The following AUNIP variants were observed in gnomAD, a reference collection of about 807,000 sequenced individuals.
The protein encoded by AUNIP is aurora kinase A and ninein interacting protein.
AUNIP carries 16 observed loss-of-function variants against 12.2 expected under a neutral mutation model. The observed-to-expected ratio is 1.31, with a 90% CI of 0.88 to 1.99. The LOEUF (loss-of-function observed/expected upper bound fraction) is 1.99, where lower values mean the gene tolerates loss of function less well. Among genes scored for constraint, AUNIP ranks in the 30% most tolerant of loss-of-function variants. The probability of loss-of-function intolerance (pLI) is 0.00; values close to 1 mark genes in which losing one functional copy is unlikely to be tolerated. For synonymous variants in AUNIP, 142 were observed against 154.8 expected (o/e 0.92, Z 0.61); for missense variants, 411 against 419.1 (o/e 0.98, Z 0.17).
intron 1 of AUNIP, among the ~76,000 whole-genome samples, chr1:25,856,944 CA>C (rs57083607): frequency 1.7e-3 from 229 of 135,482 alleles, no homozygotes; most frequent in East Asian, 1.7e-3. Context: ...CCCGTCTCTA[CA>C]AAAAAAAAAA....
downstream of AUNIP, chr1:25,831,963 C>T (rs1467389884): frequency 1.9e-6 from 3 of 1,614,094 alleles, no homozygotes; most frequent in African/African-American, 4.0e-5. Flanking sequence ...CTGTGCTTAT[C>T]TCTGAGGTCC....
chr1:25,834,950 C>G lies in AUNIP; in HGVS notation c.*43G>C. ...CACCCACAACTATATTTTCCTACAT[C>G]TCTATCATTTCAAGGTACTTTTAGA... On this transcript the variant is annotated 3_prime_UTR_variant, in exon 3 of 3. Transcript: ENST00000374298. 6.4e-7 allele frequency: 1 copy of G among 1,566,246 alleles called. No homozygotes were observed. The highest frequency in any genetic ancestry group is 8.6e-7 in the Non-Finnish European group (1 of 1,158,378).
In AUNIP at chr1:25,834,326, A is replaced by ATCTTTTAATCTTTTAAGC. The variant is rs2048279910; in HGVS notation, c.*666_*667insGCTTAAAAGATTAAAAGA. 1 of 984,744 alleles carries ATCTTTTAATCTTTTAAGC rather than the reference A, an allele frequency of 1.0e-6. No individual in the cohort carries two copies. The allele number at this position is 984,744 out of a possible 1,614,324, so 61.0% of individuals were successfully genotyped here. ...AAGATCAGCCAGAGATTAAAAGCTC[A>ATCTTTTAATCTTTTAAGC]CACATCTGGCTGGGCGCGGTGGCTT... On this transcript the variant is annotated 3_prime_UTR_variant, in exon 3 of 3. Coordinates refer to ENST00000374298, the MANE Select transcript of AUNIP (RefSeq NM_024037.3).
intron 1 of AUNIP, among the ~76,000 whole-genome samples, chr1:25,855,725 C>A (rs561476330): frequency 6.6e-6 from 1 of 152,266 alleles, no homozygotes; most frequent in African/African-American, 2.4e-5. Context: ...TACTGCCCAT[C>A]CATCCCTGAC....
intron 1 of AUNIP, among the ~76,000 whole-genome samples, chr1:25,853,967 T>A (rs1474711270): frequency 6.6e-6 from 1 of 152,136 alleles, no homozygotes; most frequent in East Asian, 1.9e-4. Flanking sequence ...TGTAATCCCT[T>A]TGGGAGGCCA....
intron 1 of AUNIP, among the ~76,000 whole-genome samples, chr1:25,845,560 C>T (rs79039793): frequency 0.013 from 1,920 of 152,294 alleles, 48 homozygotes; most frequent in African/African-American, 0.044. Context: ...TGGTCTCTTC[C>T]TCTTCTGAAC....
At chr1:25,846,128 G>C (rs967359795) in intron 1 of AUNIP, among the ~76,000 whole-genome samples, 30 of 152,152 alleles carry the variant, frequency 2.0e-4, no homozygotes, top group African/African-American at 7.2e-4. Context: ...CTCATAAAAG[G>C]GTGCTCCCAG....
intron 1 of AUNIP, among the ~76,000 whole-genome samples, chr1:25,845,313 G>A (rs1392456546): frequency 6.6e-6 from 1 of 152,144 alleles, no homozygotes; most frequent in Non-Finnish European, 1.5e-5. Context: ...TCTATTACCT[G>A]TAGCATAAAG....
chr1:25,853,316 G>A (rs72879445), intron 1 of AUNIP, among the ~76,000 whole-genome samples: 1,888 of 152,170 alleles, frequency 0.012, 40 homozygotes, highest in African/African-American at 0.043. Context: ...ATAAACATTC[G>A]GCCGGCGTGG....
At position 25,835,240 on chromosome 1, in the gene AUNIP, T is replaced by C. The variant is rs755390504; in HGVS notation, c.827A>G (p.Asn276Ser). The C allele has an allele frequency of 1.5e-5, 25 of 1,614,222 alleles. No homozygotes were observed. The South Asian group carries it at 2.3e-4, about 15-fold the overall frequency. Residue 276 changes from asparagine to serine, a missense_variant, in exon 3 of 3, where the codon AAT becomes AGT. Physicochemically the swap from Asn to Ser is conservative, Grantham distance 46. Transcript: ENST00000374298. ...CCAGGAGTCCTTGTCATTCTTTTCA[T>C]TGTCCCAGGAAAACACAGAAACTGG... is the stretch of plus-strand genomic sequence containing the variant. ...RSPVSVFSWD[N>S]EKNDKDSWSQ...
chr1:25,836,287 T>G lies in AUNIP; in HGVS notation c.221-441A>C, dbSNP rs897687092. On this transcript the variant is annotated intron_variant, in intron 2 of 2. Transcript: ENST00000374298. ...TTAAAGAAACATGCTAAACACATAC[T>G]AGTTTTGTAAGGTCTTAAAGATGAC... Among the ~76,000 whole-genome samples the G allele has an allele frequency of 5.9e-5, 9 of 152,330 alleles. No individual in the cohort carries two copies. In the South Asian group the frequency reaches 6.2e-4, roughly 11 times the overall value.
intron 1 of AUNIP, among the ~76,000 whole-genome samples, chr1:25,846,157 C>T (rs1408584369): frequency 6.6e-6 from 1 of 152,178 alleles, no homozygotes; most frequent in East Asian, 1.9e-4. Context: ...CGGCGGCTCA[C>T]GCCTGTAATC....
chr1:25,831,981 G>A (rs2048249293), downstream of AUNIP: 2 of 1,614,096 alleles, frequency 1.2e-6, no homozygotes, highest in Admixed American at 1.7e-5. Context: ...TCCTAAGGAG[G>A]AAGTTTGCTC....
At chr1:25,848,247 T>A (rs149361689) in intron 1 of AUNIP, among the ~76,000 whole-genome samples, 1 of 152,076 alleles carries the variant, frequency 6.6e-6, no homozygotes, top group East Asian at 1.9e-4. Context: ...ATTCCCTATG[T>A]AGTAAAGAAT....
chr1:25,841,250 G>C (rs796290649), intron 1 of AUNIP, among the ~76,000 whole-genome samples: 12 of 152,302 alleles, frequency 7.9e-5, no homozygotes, highest in African/African-American at 2.9e-4. Context: ...AAAGATCCCA[G>C]GTACAAAGTC....
At chr1:25,839,903 G>A (rs1314314078) in intron 1 of AUNIP, among the ~76,000 whole-genome samples, 2 of 152,128 alleles carry the variant, frequency 1.3e-5, no homozygotes, top group African/African-American at 4.8e-5. Flanking sequence ...CTGACCTCAG[G>A]TGATCTGCCC....
chr1:25,836,258 A>T (rs1237655261), intron 2 of AUNIP, among the ~76,000 whole-genome samples: 1 of 152,214 alleles, frequency 6.6e-6, no homozygotes, highest in African/African-American at 2.4e-5. Context: ...CCTAGACATT[A>T]TCCTTAAAGA....
chr1:25,848,007 A>T (rs1262398393), intron 1 of AUNIP, among the ~76,000 whole-genome samples: 1 of 152,150 alleles, frequency 6.6e-6, no homozygotes, highest in East Asian at 1.9e-4. Flanking sequence ...TCCTGGACTA[A>T]GCCCTTGTTA....
intron 1 of AUNIP, among the ~76,000 whole-genome samples, chr1:25,848,684 C>A (rs545990433): frequency 9.2e-5 from 14 of 152,234 alleles, no homozygotes; most frequent in African/African-American, 3.1e-4. Flanking sequence ...GCATTAACAG[C>A]ATGACCTCTA....
Sources: gnomAD v4.1 joint callset for allele counts (sites outside exome capture counted in the v4.1 genomes callset) on GRCh38, gnomAD v4.1.1 for gene constraint, MANE v1.5 for transcripts, NCBI Gene and HGNC (gene_info 2026-07-23, HGNC 2026-07-21) for gene names.